PYHIN1: variants seen among roughly 807,000 people sequenced by gnomAD.
PYHIN1 encodes the protein pyrin and HIN domain-containing protein 1.
In PYHIN1, 32 loss-of-function variants were observed where a neutral mutation model predicts 43.7. That is an observed-to-expected ratio of 0.73 (90% CI 0.55 to 0.98). The LOEUF (loss-of-function observed/expected upper bound fraction) is 0.98, where lower values mean the gene tolerates loss of function less well. Among genes scored for constraint, PYHIN1 ranks in the 50% least tolerant of loss-of-function variants. The pLI, the probability that PYHIN1 is intolerant of heterozygous loss-of-function variation, is 0.00. For missense variants in PYHIN1, 588 were observed against 589.5 expected (o/e 1.00, Z 0.03); for synonymous variants, 205 against 203.1 (o/e 1.01, Z -0.08).
At chr1:158,962,331 A>AT (rs1426311493) in intron 7 of PYHIN1, among the ~76,000 whole-genome samples, 2 of 151,962 alleles carry the variant, frequency 1.3e-5, no homozygotes, top group African/African-American at 2.4e-5. Flanking sequence ...GTAGGCTGCC[A>AT]TTTTTTCTGT....
the PYHIN1 span, among the ~76,000 whole-genome samples, chr1:158,989,187 C>T: frequency 6.6e-6 from 1 of 152,044 alleles, no homozygotes; most frequent in African/African-American, 2.4e-5. Context: ...AGGACTTTTG[C>T]CATGGAATTA....
chr1:158,952,747 G>T (rs1649633087), intron 7 of PYHIN1, among the ~76,000 whole-genome samples: 1 of 152,130 alleles, frequency 6.6e-6, no homozygotes, highest in Admixed American at 6.5e-5. Context: ...CCCAGAGGGA[G>T]GAGCCAAGAT....
At chr1:158,959,343 A>G (rs181270036) in intron 7 of PYHIN1, among the ~76,000 whole-genome samples, 50 of 152,320 alleles carry the variant, frequency 3.3e-4, no homozygotes, top group Non-Finnish European at 4.7e-4. Context: ...CTTAATTGAC[A>G]AATCCTTTTG....
intron 7 of PYHIN1, among the ~76,000 whole-genome samples, chr1:158,947,932 C>T (rs1649311156): frequency 6.6e-6 from 1 of 152,252 alleles, no homozygotes; most frequent in African/African-American, 2.4e-5. Context: ...GATTAGGCTG[C>T]TTTCAGCCAT....
chr1:158,972,918 C>T lies in PYHIN1; in HGVS notation c.1360-729C>T, dbSNP rs1386685394. On this transcript the variant is annotated intron_variant, in intron 7 of 8. Coordinates refer to ENST00000368140, the MANE Select transcript of PYHIN1 (RefSeq NM_152501.5). ...TAATTGAGATTATATATGCTACCTGCTCAGGTAAGTAAAAACAAAGGTCCA... is the reference window on the plus strand; with the variant it reads ...TAATTGAGATTATATATGCTACCTGTTCAGGTAAGTAAAAACAAAGGTCCA... 2.6e-5 allele frequency among the ~76,000 whole-genome samples: 4 copies of T among 152,036 alleles called. No homozygotes were observed. The East Asian group carries it at 7.7e-4, about 29-fold the overall frequency.
the PYHIN1 span, among the ~76,000 whole-genome samples, chr1:158,985,386 G>T: frequency 2.0e-5 from 3 of 152,144 alleles, no homozygotes; most frequent in African/African-American, 7.2e-5. Context: ...GTCTGAAAAG[G>T]ATTATGTTTC....
intron 7 of PYHIN1, among the ~76,000 whole-genome samples, chr1:158,959,664 A>T (rs561449177): frequency 6.6e-6 from 1 of 152,340 alleles, no homozygotes; most frequent in African/African-American, 2.4e-5. Flanking sequence ...GTTTCAGATT[A>T]GATGAGGTCC....
rs1021937495 is a variant in PYHIN1 at position 158,942,414 on chromosome 1, C to G, written c.1002+15C>G. 2 of 1,543,382 alleles carry G rather than the reference C, an allele frequency of 1.3e-6. No homozygotes were observed. Among genetic ancestry groups the G allele is most frequent in the Non-Finnish European group, 1.7e-6 (2 of 1,148,806 alleles). On this transcript the variant is annotated intron_variant, in intron 5 of 8. Transcript: ENST00000368140. The stretch of plus-strand genomic sequence containing the variant: ...TGCTACATACGGTAAGGCATCAAAG[C>G]TATTTTGTGGCATTTTCTACAATAA...
At position 158,943,941 on chromosome 1, in the gene PYHIN1, T is replaced by A. The variant is rs138903343; in HGVS notation, c.1154T>A (p.Met385Lys). ...FCFRLRKREN[M>K]SKLMSEMHSF... ...TTTCGACTGAGAAAGAGGGAAAATA[T>A]GTCAAAACTGATGTCAGAAATGCAT... is the stretch of plus-strand genomic sequence containing the variant. The change falls in exon 6 of 9, where the codon ATG becomes AAG. Residue 385 changes from methionine to lysine, a missense_variant. Transcript: ENST00000368140. 1 of 1,608,616 alleles carries A rather than the reference T, an allele frequency of 6.2e-7. No homozygotes were observed. The highest frequency in any genetic ancestry group is 1.1e-5 in the South Asian group (1 of 90,368).
intron 7 of PYHIN1, among the ~76,000 whole-genome samples, chr1:158,973,347 C>T (rs112321063): frequency 6.6e-6 from 1 of 152,012 alleles, no homozygotes; most frequent in African/African-American, 2.4e-5. Flanking sequence ...CAGAAGTGGC[C>T]TCAAATAGAC....
At chr1:158,949,177 A>T (rs1355143784) in intron 7 of PYHIN1, among the ~76,000 whole-genome samples, 1 of 152,112 alleles carries the variant, frequency 6.6e-6, no homozygotes, top group Non-Finnish European at 1.5e-5. Context: ...CCATCAGCCC[A>T]AATCACAGGG....
At chr1:158,981,211 G>A (rs912197130), downstream of PYHIN1, among the ~76,000 whole-genome samples, 1 of 152,086 alleles carries the variant, frequency 6.6e-6, no homozygotes, top group African/African-American at 2.4e-5. Context: ...AGTGCAATAA[G>A]CATACACATG....
In PYHIN1 at chr1:158,942,236, T is replaced by C. The variant is rs1648966485; in HGVS notation, c.839T>C (p.Leu280Pro). 1 of 1,614,062 alleles carries C rather than the reference T, an allele frequency of 6.2e-7. No individual in the cohort carries two copies. The highest frequency in any genetic ancestry group is 1.1e-5 in the South Asian group (1 of 91,076). Residue 280 changes from leucine to proline, a missense_variant, in exon 5 of 9, where the codon CTC becomes CCC. Coordinates refer to ENST00000368140, the MANE Select transcript of PYHIN1 (RefSeq NM_152501.5). Reference protein sequence around the residue: ...IISNYSKRNSLLEVNEASSVS... With the variant: ...IISNYSKRNSPLEVNEASSVS... ...TCAAATTATTCCAAACGTAATAGTC[T>C]CCTAGAGGTGAATGAAGCCTCTTCT...
At chr1:158,947,526 C>CGAA in intron 7 of PYHIN1, among the ~76,000 whole-genome samples, 1 of 152,280 alleles carries the variant, frequency 6.6e-6, no homozygotes, top group East Asian at 1.9e-4. Flanking sequence ...AGCCTAAATC[C>CGAA]CTTCCTAGGA....
At chr1:158,977,429 C>T (rs1651335561), downstream of PYHIN1, among the ~76,000 whole-genome samples, 1 of 152,104 alleles carries the variant, frequency 6.6e-6, no homozygotes, top group African/African-American at 2.4e-5. Context: ...AATTCCTGGC[C>T]CTGTTTGATG....
intron 7 of PYHIN1, chr1:158,945,243 C>A: frequency 4.2e-6 from 2 of 475,550 alleles, no homozygotes; most frequent in Non-Finnish European, 3.5e-6. Flanking sequence ...TTTATTTGTG[C>A]AACGATTGCT....
chr1:158,967,206 T>C (rs1254614848), intron 7 of PYHIN1, among the ~76,000 whole-genome samples: 1 of 152,060 alleles, frequency 6.6e-6, no homozygotes, highest in Non-Finnish European at 1.5e-5. Flanking sequence ...ATTTGTGGGA[T>C]GAGAGGGTTT....
At chr1:158,932,937 T>TCA (rs1648253140) in intron 1 of PYHIN1, among the ~76,000 whole-genome samples, 1 of 152,172 alleles carries the variant, frequency 6.6e-6, no homozygotes, top group African/African-American at 2.4e-5. Flanking sequence ...TGGTGCAATA[T>TCA]CTCAGTGTAC....
rs2101644958 is a variant in PYHIN1, at chr1:158,937,028, A to G, written c.118A>G (p.Lys40Glu). Reference sequence around the variant, plus strand: ...CGATTTAAAACTTAATCCAAAAATGAAAGAAGAGTATGACAAAATTCAGAT... The same window carrying G: ...CGATTTAAAACTTAATCCAAAAATGGAAGAAGAGTATGACAAAATTCAGAT... ...SNDLKLNPKM[K>E]EEYDKIQIAD... Residue 40 changes from lysine to glutamate, a missense_variant, in exon 2 of 9, where the codon AAA becomes GAA. Physicochemically the swap from Lys to Glu is moderately conservative, Grantham distance 56 (BLOSUM62 1). Transcript: ENST00000368140. 1.2e-6 allele frequency: 2 copies of G among 1,614,158 alleles called. No homozygotes were observed. The highest frequency in any genetic ancestry group is 4.5e-5 in the East Asian group (2 of 44,882).
Sources: gnomAD v4.1 joint callset for allele counts (sites outside exome capture counted in the v4.1 genomes callset) on GRCh38, gnomAD v4.1.1 for gene constraint, MANE v1.5 for transcripts, NCBI Gene and HGNC (gene_info 2026-07-23, HGNC 2026-07-21) for gene names.